The following C5orf58 variants were observed in gnomAD, a reference collection of about 807,000 sequenced individuals.
The protein encoded by C5orf58 is putative uncharacterized protein C5orf58.
A neutral mutation model predicts 2.9 loss-of-function variants in C5orf58; 2 were observed. The ratio of observed to expected loss-of-function variants is 0.69; its 90% CI spans 0.28 to 2.18. C5orf58 has a LOEUF of 2.18. Among genes scored for constraint, C5orf58 ranks in the 30% most tolerant of loss-of-function variants. The pLI is 0.13. For missense variants in C5orf58, 96 were observed against 91.7 expected (o/e 1.05, Z -0.19); for synonymous variants, 37 against 33.4 (o/e 1.11, Z -0.37).
intron 3 of C5orf58, among the ~76,000 whole-genome samples, chr5:170,241,394 T>A (rs1214288207): frequency 1.3e-5 from 2 of 151,530 alleles, no homozygotes; most frequent in East Asian, 3.9e-4. Flanking sequence ...CGATATTGAT[T>A]CTTCCTACCC....
chr5:170,245,819 T>C (rs997938779), intron 3 of C5orf58, 143 bp from the exon 4 acceptor site: 2 of 768,284 alleles, frequency 2.6e-6, no homozygotes, highest in East Asian at 5.1e-5. Context: ...TTATTTTAAG[T>C]CAGAATGGGA....
At chr5:170,252,448 T>G, downstream of C5orf58, 1 of 1,572,194 alleles carries the variant, frequency 6.4e-7, no homozygotes, top group Non-Finnish European at 8.7e-7. Context: ...TTTATCTTTC[T>G]AAGAGCAGCT....
intron 3 of C5orf58, among the ~76,000 whole-genome samples, chr5:170,245,581 C>T (rs1761238378): frequency 6.6e-6 from 1 of 152,198 alleles, no homozygotes; most frequent in Non-Finnish European, 1.5e-5. Flanking sequence ...AAGGGAACTC[C>T]CTGACCCCTT....
chr5:170,237,111 G>T (rs1760774869), intron 3 of C5orf58, among the ~76,000 whole-genome samples: 1 of 152,200 alleles, frequency 6.6e-6, no homozygotes, highest in South Asian at 2.1e-4. Flanking sequence ...AAAATAAAAT[G>T]TAATAACTAT....
chr5:170,236,432 A>G (rs940071920), intron 3 of C5orf58, among the ~76,000 whole-genome samples: 4 of 152,222 alleles, frequency 2.6e-5, no homozygotes, highest in African/African-American at 9.6e-5. Context: ...TCACAAATTT[A>G]CAGTACATAT....
chr5:170,234,017 G>T, intron 1 of C5orf58, 98 bp from the exon 2 acceptor site: 2 of 555,906 alleles, frequency 3.6e-6, no homozygotes, highest in Admixed American at 2.8e-5. Context: ...TTGACTCTTG[G>T]TTTGGCATGC....
chr5:170,234,066 G>A (rs1561953718), intron 1 of C5orf58, 49 bp from the exon 2 acceptor site: 2 of 1,140,802 alleles, frequency 1.8e-6, no homozygotes, highest in Non-Finnish European at 2.4e-6. Context: ...ATGGGGTCTT[G>A]GGGGTAGATG....
chr5:170,248,821 TGAAA>T (rs776166362), downstream of C5orf58: 1 of 1,612,018 alleles, frequency 6.2e-7, no homozygotes, highest in East Asian at 2.2e-5. Context: ...CAGAAAGTCC[TGAAA>T]GAGTCAAGAT....
downstream of C5orf58, chr5:170,248,182 A>G (rs920284900): frequency 2.6e-5 from 4 of 152,702 alleles, no homozygotes; most frequent in African/African-American, 9.6e-5. Flanking sequence ...AAAATACTAA[A>G]TAAGAGTGAA....
intron 3 of C5orf58, among the ~76,000 whole-genome samples, chr5:170,237,932 G>C (rs1160355637): frequency 6.6e-6 from 1 of 152,126 alleles, no homozygotes; most frequent in Non-Finnish European, 1.5e-5. Context: ...AATACTGGCA[G>C]CCAGATTTAT....
In C5orf58 at chr5:170,245,740, G is replaced by A. The variant is rs1373677852; in HGVS notation, c.95-222G>A. The stretch of plus-strand genomic sequence containing the variant: ...GCAGAAATCACCTGTCTTCTGCGTC[G>A]CTCACGCTGGGAGCTGTAGACCGGA... On this transcript the variant is annotated intron_variant, in intron 3 of 3. Transcript: ENST00000593851. Among the ~76,000 whole-genome samples the A allele has an allele frequency of 3.9e-5, 6 of 152,158 alleles. No individual in the cohort carries two copies. In the East Asian group the frequency reaches 5.8e-4, roughly 15 times the overall value.
At chr5:170,238,855 A>G (rs1760853134) in intron 3 of C5orf58, among the ~76,000 whole-genome samples, 1 of 152,052 alleles carries the variant, frequency 6.6e-6, no homozygotes, top group Admixed American at 6.5e-5. Flanking sequence ...ATTTTCAGAC[A>G]TATAATTTTA....
downstream of C5orf58, among the ~76,000 whole-genome samples, chr5:170,249,560 A>G (rs983127819): frequency 6.6e-6 from 1 of 152,108 alleles, no homozygotes; most frequent in Non-Finnish European, 1.5e-5. Context: ...GTTAGGAAAC[A>G]TAAGGACTCA....
At chr5:170,240,681 T>C (rs1760963577) in intron 3 of C5orf58, among the ~76,000 whole-genome samples, 3 of 151,418 alleles carry the variant, frequency 2.0e-5, no homozygotes, top group African/African-American at 4.8e-5. Flanking sequence ...ATTAGCCCTT[T>C]GTCAGATGAG....
chr5:170,249,439 T>C (rs1265180615), downstream of C5orf58, among the ~76,000 whole-genome samples: 1 of 151,718 alleles, frequency 6.6e-6, no homozygotes, highest in Non-Finnish European at 1.5e-5. Flanking sequence ...TAACTTCATA[T>C]GAAGGGGTCA....
Position 170,235,010 on chromosome 5 carries a change from A to C in C5orf58, c.34A>C (p.Asn12His), listed in dbSNP as rs1334883007. ...GAAGCGTGTTACTGATCATAAGCTAAATGTGGACAAAGTAATTAAAAATAT... is the reference window on the plus strand; with the variant it reads ...GAAGCGTGTTACTGATCATAAGCTACATGTGGACAAAGTAATTAAAAATAT... Reference protein sequence around the residue: ...GKKRVTDHKLNVDKVIKNINT... With the variant: ...GKKRVTDHKLHVDKVIKNINT... Residue 12 changes from asparagine to histidine, a missense_variant, in exon 3 of 4, where the codon AAT becomes CAT. Transcript: ENST00000593851. 6.4e-7 allele frequency: 1 copy of C among 1,551,734 alleles called. No homozygotes were observed.
downstream of C5orf58, chr5:170,248,571 T>A: frequency 1.0e-6 from 1 of 961,740 alleles, no homozygotes; most frequent in Non-Finnish European, 1.6e-6. Context: ...AAGGAAAGGA[T>A]AAAACCCTTG....
At chr5:170,245,922 A>G in intron 3 of C5orf58, 40 bp from the exon 4 acceptor site, 1 of 1,569,106 alleles carries the variant, frequency 6.4e-7, no homozygotes, top group Non-Finnish European at 8.7e-7. Flanking sequence ...TTTATGACAT[A>G]TGTGCTACAA....
Position 170,236,626 on chromosome 5 carries a change from C to T in C5orf58, c.94+1556C>T, listed in dbSNP as rs192355701. Among the ~76,000 whole-genome samples, 322 of 152,246 alleles carry T rather than the reference C, an allele frequency of 2.1e-3. 2 individuals are homozygous for T. The highest frequency in any genetic ancestry group is 3.1e-3 in the Non-Finnish European group (214 of 68,018). ...TGCTCAGATCATTCCCCTCCTTTCC[C>T]CTCTAGTCTCTTACTCTGTTCTTAC... On this transcript the variant is annotated intron_variant, in intron 3 of 3. Coordinates refer to ENST00000593851, the MANE Select transcript of C5orf58 (RefSeq NM_001102609.3).
Sources: allele counts gnomAD v4.1 joint callset (sites outside exome capture counted in the v4.1 genomes callset), GRCh38; gene constraint gnomAD v4.1.1; transcripts MANE v1.5; gene names NCBI Gene and HGNC (gene_info 2026-07-23, HGNC 2026-07-21).